ARHGEF10: variants seen among roughly 807,000 people sequenced by gnomAD.
ARHGEF10 encodes the protein Rho guanine nucleotide exchange factor (GEF) 10.
A neutral mutation model predicts 147.4 loss-of-function variants in ARHGEF10; 140 were observed. The observed-to-expected ratio is 0.95, with a 90% CI of 0.83 to 1.09. The LOEUF is 1.09. Among genes scored for constraint, ARHGEF10 ranks in the 50% least tolerant of loss-of-function variants. The pLI, the probability that ARHGEF10 is intolerant of heterozygous loss-of-function variation, is 0.00. For missense variants in ARHGEF10, 2,222 were observed against 1,752.7 expected (o/e 1.27, Z -4.78); for synonymous variants, 902 against 695.8 (o/e 1.30, Z -4.67).
intron 15 of ARHGEF10, 55 bp downstream of exon 15, chr8:1,898,580 A>C (rs1810206929): frequency 1.5e-5 from 24 of 1,549,030 alleles, no homozygotes; most frequent in Non-Finnish European, 2.0e-5. Flanking sequence ...CCCATGACTC[A>C]TTTGAAAATG....
At chr8:1,938,207 A>G (rs967184397) in intron 26 of ARHGEF10, among the ~76,000 whole-genome samples, 9 of 152,172 alleles carry the variant, frequency 5.9e-5, no homozygotes, top group African/African-American at 1.2e-4. Context: ...GGTTTGTCCA[A>G]TTGCTGTTTA....
chr8:1,931,885 A>T (rs1241080492), intron 25 of ARHGEF10, among the ~76,000 whole-genome samples: 3 of 152,136 alleles, frequency 2.0e-5, no homozygotes, highest in African/African-American at 7.2e-5. Context: ...CTGCAGAATG[A>T]CCCACCCAGG....
intron 13 of ARHGEF10, 147 bp from the exon 14 acceptor site, chr8:1,896,186 C>T (rs1809955776): frequency 1.3e-6 from 1 of 796,192 alleles, no homozygotes. Context: ...GAAAAAAAAT[C>T]ACACAGTCAT....
intron 13 of ARHGEF10, among the ~76,000 whole-genome samples, chr8:1,895,012 G>A (rs1272286871): frequency 6.6e-6 from 1 of 152,196 alleles, no homozygotes; most frequent in African/African-American, 2.4e-5. Flanking sequence ...GGGAAAAATA[G>A]AAAACACGTG....
At chr8:1,898,638 C>T (rs1322440220) in intron 15 of ARHGEF10, 113 bp downstream of exon 15, 15 of 1,062,462 alleles carry the variant, frequency 1.4e-5, no homozygotes, top group Non-Finnish European at 2.0e-5. Flanking sequence ...GCCTCCTCAT[C>T]TCCTCTCTAG....
rs1333939974 is a variant in ARHGEF10 at position 1,889,066 on chromosome 8, G to C, written c.1182+3359G>C. On this transcript the variant is annotated intron_variant, in intron 11 of 28. Coordinates refer to ENST00000349830, the MANE Select transcript of ARHGEF10 (RefSeq NM_014629.4). ...GTGGGGTGCGGGTCATGAGGAGACA[G>C]TGATTGGGGTGAGGGGTCCGTGAGG... Among the ~76,000 whole-genome samples the C allele has an allele frequency of 4.2e-5, 4 of 94,504 alleles. 1 individual carries two copies. The highest frequency in any genetic ancestry group is 2.0e-4 in the Admixed American group (2 of 9,982). The allele number at this position is 94,504 out of a possible 152,430, so 62.0% of individuals were successfully genotyped here. A position where few individuals can be genotyped will look rare whatever the true frequency, so the allele number is the denominator to read the frequency against.
intron 1 of ARHGEF10, among the ~76,000 whole-genome samples, chr8:1,841,037 G>C (rs1257133018): frequency 6.6e-6 from 1 of 152,188 alleles, no homozygotes; most frequent in Non-Finnish European, 1.5e-5. Flanking sequence ...CCGGCCGGTG[G>C]GTGGAAGGGC....
intron 23 of ARHGEF10, chr8:1,927,033 CT>C: frequency 5.3e-6 from 1 of 188,970 alleles, no homozygotes; most frequent in Non-Finnish European, 1.1e-5. Flanking sequence ...AACTCTCATC[CT>C]TTCCTCCCAG....
intron 2 of ARHGEF10, among the ~76,000 whole-genome samples, chr8:1,856,015 C>G (rs1350154783): frequency 6.6e-6 from 1 of 152,042 alleles, no homozygotes; most frequent in Non-Finnish European, 1.5e-5. Context: ...GGCTCAAACT[C>G]TGGAAATTAG....
intron 27 of ARHGEF10, chr8:1,945,915 G>A (rs534378879): frequency 5.0e-5 from 31 of 614,442 alleles, no homozygotes; most frequent in Non-Finnish European, 6.6e-5. Flanking sequence ...GGGAGGAGCC[G>A]CGTGGCAGTG....
At chr8:1,837,104 T>G (rs1209109477) in intron 1 of ARHGEF10, among the ~76,000 whole-genome samples, 1 of 152,258 alleles carries the variant, frequency 6.6e-6, no homozygotes, top group Non-Finnish European at 1.5e-5. Context: ...ATGCAGTTTT[T>G]AAGGGACACT....
chr8:1,864,827 G>T (rs1006092129), intron 5 of ARHGEF10, among the ~76,000 whole-genome samples: 2 of 152,200 alleles, frequency 1.3e-5, no homozygotes, highest in African/African-American at 4.8e-5. Flanking sequence ...CTAGAGCAGT[G>T]CTCTTGCCCC....
intron 11 of ARHGEF10, among the ~76,000 whole-genome samples, chr8:1,885,938 C>T (rs959208008): frequency 3.3e-5 from 5 of 152,066 alleles, no homozygotes; most frequent in African/African-American, 9.7e-5. Flanking sequence ...CCCTTCTGGT[C>T]CTTAAATATT....
At chr8:1,835,948 G>A (rs890787123) in intron 1 of ARHGEF10, among the ~76,000 whole-genome samples, 7 of 152,266 alleles carry the variant, frequency 4.6e-5, no homozygotes, top group Admixed American at 1.3e-4. Flanking sequence ...TTGGGAGGCC[G>A]AGGCGGGCAG....
intron 11 of ARHGEF10, among the ~76,000 whole-genome samples, chr8:1,892,668 G>A (rs989646358): frequency 1.5e-4 from 21 of 140,020 alleles, no homozygotes; most frequent in African/African-American, 4.6e-4. Flanking sequence ...TTCCGTGCGC[G>A]CACGTGTGTG....
intron 23 of ARHGEF10, 134 bp from the exon 24 acceptor site, chr8:1,928,293 T>A: frequency 1.2e-6 from 1 of 808,628 alleles, no homozygotes; most frequent in South Asian, 1.5e-5. Context: ...TAAGAATTTT[T>A]TTTTATTTTT....
intron 1 of ARHGEF10, among the ~76,000 whole-genome samples, chr8:1,828,328 T>C (rs1802889555): frequency 6.6e-6 from 1 of 152,276 alleles, no homozygotes; most frequent in Non-Finnish European, 1.5e-5. Context: ...TAAAGTGCCT[T>C]CCTCCCTTAA....
At chr8:1,887,193 G>A (rs146692846) in intron 11 of ARHGEF10, among the ~76,000 whole-genome samples, 64 of 152,312 alleles carry the variant, frequency 4.2e-4, no homozygotes, top group African/African-American at 1.4e-3. Flanking sequence ...TTACTGTAGC[G>A]ATGAAGCCGA....
rs754614918 is a variant in ARHGEF10, at chr8:1,860,206, C to T, written c.481+22C>T. On this transcript the variant is annotated intron_variant, in intron 4 of 28. Coordinates refer to ENST00000349830, the MANE Select transcript of ARHGEF10 (RefSeq NM_014629.4). ...GAAGGTACTGCTACCCTCCTCTCCA[C>T]GCCCCCGAAGTGGCCTGTGGTTCCC... The T allele has an allele frequency of 5.8e-5, 93 of 1,608,446 alleles. No homozygotes were observed. The East Asian group carries it at 8.7e-4, about 15-fold the overall frequency.
Sources: gnomAD v4.1 joint callset for allele counts (sites outside exome capture counted in the v4.1 genomes callset) on GRCh38, gnomAD v4.1.1 for gene constraint, MANE v1.5 for transcripts, NCBI Gene and HGNC (gene_info 2026-07-23, HGNC 2026-07-21) for gene names.